The following PHAF1 variants were observed in gnomAD, a reference collection of about 807,000 sequenced individuals.
PHAF1 encodes the protein phagophore assembly factor 1.
PHAF1 carries 23 observed loss-of-function variants against 63.1 expected under a neutral mutation model. The ratio of observed to expected loss-of-function variants is 0.36; its 90% CI spans 0.26 to 0.52. PHAF1 has a LOEUF of 0.52. PHAF1 is among the 20% of genes least tolerant of loss of function. The probability of loss-of-function intolerance (pLI) is 0.93; values close to 1 mark genes in which losing one functional copy is unlikely to be tolerated. For missense variants in PHAF1, 427 were observed against 517.2 expected, an observed-to-expected ratio of 0.83 and a Z score of 1.69; for synonymous variants, 167 against 185.0, an observed-to-expected ratio of 0.90 and a Z score of 0.79.
At chr16:67,113,263 C>T (rs1962591783) in intron 1 of PHAF1, among the ~76,000 whole-genome samples, 1 of 152,134 alleles carries the variant, frequency 6.6e-6, no homozygotes, top group Non-Finnish European at 1.5e-5. Flanking sequence ...GAAGCTGCAT[C>T]CTGGCAGCTC....
chr16:67,141,095 A>G (rs1273112148), intron 10 of PHAF1, among the ~76,000 whole-genome samples: 1 of 152,340 alleles, frequency 6.6e-6, no homozygotes, highest in African/African-American at 2.4e-5. Flanking sequence ...AGTTGCATAC[A>G]TGAGAAATTA....
intron 9 of PHAF1, 89 bp from the exon 10 acceptor site, chr16:67,140,422 A>T: frequency 4.3e-6 from 5 of 1,165,022 alleles, no homozygotes; most frequent in Non-Finnish European, 6.4e-6. Flanking sequence ...GCTTAATGTT[A>T]CACATGGAAC....
chr16:67,113,857 C>T (rs1962628785), intron 1 of PHAF1, among the ~76,000 whole-genome samples: 1 of 151,140 alleles, frequency 6.6e-6, no homozygotes, highest in African/African-American at 2.4e-5. Context: ...TATAGGCTTG[C>T]GCACACCAGG....
At chr16:67,120,045 A>G in intron 1 of PHAF1, 67 bp from the exon 2 acceptor site, 1 of 1,349,314 alleles carries the variant, frequency 7.4e-7, no homozygotes, top group Non-Finnish European at 1.1e-6. Flanking sequence ...ACCAGTGCCT[A>G]GTGAAGTGGT....
chr16:67,132,680 T>G (rs775187407), intron 5 of PHAF1, 137 bp from the exon 6 acceptor site: 5 of 1,190,768 alleles, frequency 4.2e-6, no homozygotes, highest in Non-Finnish European at 6.3e-6. Context: ...TCCCCCTTGT[T>G]TTCAACCTAG....
intron 3 of PHAF1, among the ~76,000 whole-genome samples, chr16:67,128,399 CA>C (rs1310642563): frequency 6.6e-6 from 1 of 152,178 alleles, no homozygotes; most frequent in Non-Finnish European, 1.5e-5. Flanking sequence ...GGAAACTGAG[CA>C]AGTAATCACC....
intron 4 of PHAF1, 32 bp downstream of exon 4, chr16:67,131,361 A>C: frequency 1.3e-6 from 2 of 1,487,930 alleles, no homozygotes; most frequent in Non-Finnish European, 1.9e-6. Context: ...TATATGTCAC[A>C]CTTGGTATAG....
At chr16:67,141,018 T>C (rs1963789221) in intron 10 of PHAF1, among the ~76,000 whole-genome samples, 1 of 152,224 alleles carries the variant, frequency 6.6e-6, no homozygotes, top group Admixed American at 6.5e-5. Flanking sequence ...TGTATCCCTG[T>C]GCTATGGACC....
At chr16:67,111,347 C>T (rs1211070314) in intron 1 of PHAF1, among the ~76,000 whole-genome samples, 2 of 152,322 alleles carry the variant, frequency 1.3e-5, no homozygotes, top group South Asian at 2.1e-4. Context: ...CATTCAGTAA[C>T]CCCTGTGTGT....
At chr16:67,140,731 G>A (rs1963778097) in intron 10 of PHAF1, 137 bp downstream of exon 10, 2 of 726,298 alleles carry the variant, frequency 2.8e-6, no homozygotes, top group Admixed American at 2.6e-5. Flanking sequence ...TTTGCCCAGG[G>A]TTGTTTTGCA....
intron 2 of PHAF1, among the ~76,000 whole-genome samples, chr16:67,123,405 C>T (rs1261665351): frequency 6.6e-6 from 1 of 150,696 alleles, no homozygotes; most frequent in Admixed American, 6.6e-5. Context: ...GGTGAAACCC[C>T]GTCTTTACTA....
chr16:67,131,419 T>A, intron 4 of PHAF1, 90 bp downstream of exon 4: 1 of 990,964 alleles, frequency 1.0e-6, no homozygotes, highest in Non-Finnish European at 1.5e-6. Context: ...TTCACATCTG[T>A]CACAGATGTG....
chr16:67,132,754 T>C (rs951443520), intron 5 of PHAF1, 63 bp from the exon 6 acceptor site: 4 of 1,437,744 alleles, frequency 2.8e-6, no homozygotes, highest in African/African-American at 2.8e-5. Flanking sequence ...GCCAGGCTGG[T>C]TTATGTTAGC....
In PHAF1 at chr16:67,134,535, C is replaced by G. The variant is rs948966896; in HGVS notation, c.661+68C>G. The G allele has an allele frequency of 2.3e-6, 3 of 1,314,988 alleles. No individual in the cohort carries two copies. The Admixed American group carries it at 5.1e-5, about 22-fold the overall frequency. 81.5% of individuals were successfully genotyped at this position (1,314,988 alleles called of 1,614,324 possible). ...CATGTTGAGACAGTCTAAAATCCCA[C>G]GTGCTTAGGGTGTGTCTCAGTCCAT... On this transcript the variant is annotated intron_variant, in intron 8 of 15. Transcript: ENST00000219139.
chr16:67,120,648 C>T (rs1388475440), intron 2 of PHAF1, among the ~76,000 whole-genome samples: 2 of 151,302 alleles, frequency 1.3e-5, no homozygotes, highest in African/African-American at 4.9e-5. Context: ...ACCCCTTTAT[C>T]TCTCTCAAAG....
chr16:67,148,406 G>T lies in PHAF1; in HGVS notation c.*1275G>T, dbSNP rs2030293437. 1 of 152,608 alleles carries T rather than the reference G, an allele frequency of 6.6e-6. No individual in the cohort carries two copies. Among genetic ancestry groups the T allele is most frequent in the Admixed American group, 6.5e-5 (1 of 15,274 alleles). The allele number at this position is 152,608 out of a possible 1,614,324, so 9.5% of individuals were successfully genotyped here. A position where few individuals can be genotyped will look rare whatever the true frequency, so the allele number is the denominator to read the frequency against. On this transcript the variant is annotated 3_prime_UTR_variant, in exon 16 of 16. Coordinates refer to ENST00000219139, the MANE Select transcript of PHAF1 (RefSeq NM_025187.5). The stretch of plus-strand genomic sequence containing the variant: ...CCCCTTGCATATCCCCACTGTCAGG[G>T]GCAGCCAGGACTGTTCCCATCCTCC...
At position 67,117,199 on chromosome 16, in the gene PHAF1, A is replaced by ATTTTTTT. The variant is rs750308105; in HGVS notation, c.65-2896_65-2890dup. On this transcript the variant is annotated intron_variant, in intron 1 of 15. Transcript: ENST00000219139. ...AGGCACACACCACCATGCCCAGCTA[A>ATTTTTTT]TTTTTTTTTTTTTTTTTTTTTTTGT... 9.6e-3 allele frequency among the ~76,000 whole-genome samples: 1,076 copies of ATTTTTTT among 111,874 alleles called. 28 individuals are homozygous for ATTTTTTT. The highest frequency in any genetic ancestry group is 0.041 in the African/African-American group (1,018 of 25,040). The allele number at this position is 111,874 out of a possible 152,430, so 73.4% of individuals were successfully genotyped here. A position where few individuals can be genotyped will look rare whatever the true frequency, so the allele number is the denominator to read the frequency against.
chr16:67,132,306 C>A, intron 4 of PHAF1, 140 bp from the exon 5 acceptor site: 1 of 739,542 alleles, frequency 1.4e-6, no homozygotes, highest in Non-Finnish European at 2.2e-6. Flanking sequence ...TTTAAAAGTT[C>A]TCTAATTAAG....
At chr16:67,134,757 G>A (rs996760536) in intron 8 of PHAF1, 2 of 523,372 alleles carry the variant, frequency 3.8e-6, no homozygotes, top group Non-Finnish European at 7.4e-6. Flanking sequence ...TAACTCCCTG[G>A]AGTCTGTTTT....
Sources: gnomAD v4.1 joint callset for allele counts (sites outside exome capture counted in the v4.1 genomes callset) on GRCh38, gnomAD v4.1.1 for gene constraint, MANE v1.5 for transcripts, NCBI Gene and HGNC (gene_info 2026-07-23, HGNC 2026-07-21) for gene names.